ACOT7: variants seen among roughly 807,000 people sequenced by gnomAD.
ACOT7 encodes acyl-CoA thioesterase 7.
A neutral mutation model predicts 40.2 loss-of-function variants in ACOT7; 12 were observed. That is an observed-to-expected ratio of 0.30 (90% CI 0.19 to 0.48). The LOEUF (loss-of-function observed/expected upper bound fraction) is 0.48. ACOT7 is among the 20% of genes least tolerant of loss of function. ACOT7 has a pLI of 0.99. For missense variants in ACOT7, 395 were observed against 530.8 expected, an observed-to-expected ratio of 0.74 and a Z score of 2.51; for synonymous variants, 228 against 219.5, an observed-to-expected ratio of 1.04 and a Z score of -0.34.
At position 6,301,023 on chromosome 1, in the gene ACOT7, T is replaced by C. The variant is rs188457425; in HGVS notation, c.713-6043A>G. ...GCAATGCCATGTTGCCTCCCCATCC[T>C]GTCCTGTGACATCGAGTCCAGAGTG... On this transcript the variant is annotated intron_variant, in intron 6 of 8. Coordinates refer to ENST00000361521, the MANE Select transcript of ACOT7 (RefSeq NM_007274.4). This position sits in a 1 kb window ranked among gnomAD's most constrained non-coding sequence, Gnocchi z 4.1. Among the ~76,000 whole-genome samples the C allele has an allele frequency of 3.4e-3, 518 of 152,376 alleles. 3 individuals are homozygous for C. The highest frequency in any genetic ancestry group is 0.012 in the African/African-American group (500 of 41,586).
Position 6,275,806 on chromosome 1 carries a change from G to C in ACOT7, c.1014+5296C>G, listed in dbSNP as rs571348386. ...TCCAGAAAACATTTCGGTGGCTAAAGACTGAAGCTCGGAGTCCTGGGCTGG... is the reference window on the plus strand; with the variant it reads ...TCCAGAAAACATTTCGGTGGCTAAACACTGAAGCTCGGAGTCCTGGGCTGG... On this transcript the variant is annotated intron_variant, in intron 8 of 8. Transcript: ENST00000361521. This position sits in a 1 kb window ranked among gnomAD's most constrained non-coding sequence, Gnocchi z 5.6. Among the ~76,000 whole-genome samples, 3 of 150,668 alleles carry C rather than the reference G, an allele frequency of 2.0e-5. No individual in the cohort carries two copies. The highest frequency in any genetic ancestry group is 4.4e-5 in the Non-Finnish European group (3 of 67,686).
At chr1:6,332,837 A>C (rs1039499393) in intron 4 of ACOT7, among the ~76,000 whole-genome samples, 15 of 145,822 alleles carry the variant, frequency 1.0e-4, no homozygotes, top group East Asian at 6.0e-4. Flanking sequence ...ACAAAAAAAA[A>C]CAAAAAAAAC....
chr1:6,295,722 A>C (rs1039122291), intron 6 of ACOT7, among the ~76,000 whole-genome samples: 1 of 152,212 alleles, frequency 6.6e-6, no homozygotes, highest in African/African-American at 2.4e-5. Flanking sequence ...AGAAGAGGCA[A>C]GTCCATGGGG....
chr1:6,343,864 G>C lies in ACOT7; in HGVS notation c.262-4275C>G, dbSNP rs548929747. 5.2e-5 allele frequency among the ~76,000 whole-genome samples: 8 copies of C among 152,386 alleles called. 1 individual carries two copies. In the South Asian group the frequency reaches 1.7e-3, roughly 32 times the overall value. ...AGGCCTTCCACCTCCCTGCTCTGCA[G>C]CTGGTTTCTGGCAGCATCTGTGGGG... On this transcript the variant is annotated intron_variant, in intron 2 of 8. Coordinates refer to ENST00000361521, the MANE Select transcript of ACOT7 (RefSeq NM_007274.4).
intron 3 of ACOT7, among the ~76,000 whole-genome samples, chr1:6,337,781 C>G (rs1273924145): frequency 6.6e-6 from 1 of 152,064 alleles, no homozygotes; most frequent in Non-Finnish European, 1.5e-5. Context: ...TTCAGACCAC[C>G]CTGGCCATCA....
chr1:6,314,950 C>T (rs867407792), intron 6 of ACOT7, among the ~76,000 whole-genome samples: 3 of 152,100 alleles, frequency 2.0e-5, no homozygotes, highest in Non-Finnish European at 4.4e-5. Flanking sequence ...TCCTCCCGCA[C>T]GGGACAATGA....
chr1:6,381,730 C>A (rs1642339158), intron 1 of ACOT7, among the ~76,000 whole-genome samples: 1 of 151,930 alleles, frequency 6.6e-6, no homozygotes, highest in African/African-American at 2.4e-5. Context: ...GTGTTCATAG[C>A]AGCATTATTC....
At chr1:6,266,964 G>C (rs559040772) in intron 8 of ACOT7, among the ~76,000 whole-genome samples, 3 of 152,222 alleles carry the variant, frequency 2.0e-5, no homozygotes, top group Non-Finnish European at 4.4e-5. Context: ...AGCTGGGGAC[G>C]GGCAGGCTGG....
Position 6,355,020 on chromosome 1 carries a change from C to T in ACOT7, c.144-5154G>A, listed in dbSNP as rs1437308963. ...CAATCTCCTAGTAAGGCATCTGGAG[C>T]TCTCAGGGATTGGGAACTTTTCCGC... is the stretch of plus-strand genomic sequence containing the variant. On this transcript the variant is annotated intron_variant, in intron 1 of 8. Coordinates refer to ENST00000361521, the MANE Select transcript of ACOT7 (RefSeq NM_007274.4). The surrounding 1 kb of genome is among the most constrained non-coding windows in gnomAD (Gnocchi z 5.0). Among the ~76,000 whole-genome samples the T allele has an allele frequency of 6.6e-6, 1 of 152,074 alleles. No homozygotes were observed. Among genetic ancestry groups the T allele is most frequent in the Non-Finnish European group, 1.5e-5 (1 of 68,006 alleles).
chr1:6,388,878 A>C (rs1158390681), intron 1 of ACOT7, among the ~76,000 whole-genome samples: 3 of 151,284 alleles, frequency 2.0e-5, no homozygotes, highest in Non-Finnish European at 4.4e-5. Flanking sequence ...CTCTAATAAA[A>C]ATACAAAAAA....
At chr1:6,300,441 A>G (rs768977761) in intron 6 of ACOT7, among the ~76,000 whole-genome samples, 3 of 151,618 alleles carry the variant, frequency 2.0e-5, no homozygotes, top group Non-Finnish European at 4.4e-5. Context: ...GCCTGAGTCC[A>G]TGACTCACAG....
chr1:6,374,024 C>T (rs1056300175), intron 1 of ACOT7, among the ~76,000 whole-genome samples: 2 of 152,236 alleles, frequency 1.3e-5, no homozygotes, highest in African/African-American at 4.8e-5. Flanking sequence ...TCACCTCCCA[C>T]CTCTGCCTTT....
chr1:6,310,825 C>G (rs924530154), intron 6 of ACOT7, among the ~76,000 whole-genome samples: 23 of 152,280 alleles, frequency 1.5e-4, no homozygotes, highest in African/African-American at 5.5e-4. Context: ...GTAACCTCCA[C>G]CTCCCAGGTT....
chr1:6,310,284 G>C (rs149671070), intron 6 of ACOT7, among the ~76,000 whole-genome samples: 21 of 152,332 alleles, frequency 1.4e-4, no homozygotes, highest in Non-Finnish European at 2.8e-4. Flanking sequence ...CACACTCAGG[G>C]GCAGGTGAAA....
intron 1 of ACOT7, among the ~76,000 whole-genome samples, chr1:6,369,369 T>C (rs1005439459): frequency 4.6e-5 from 7 of 151,246 alleles, no homozygotes; most frequent in Admixed American, 3.3e-4. Context: ...AGAACCACTA[T>C]GGCAGCCAGA....
chr1:6,271,479 G>A (rs775755677), intron 8 of ACOT7, among the ~76,000 whole-genome samples: 8 of 152,174 alleles, frequency 5.3e-5, no homozygotes, highest in Non-Finnish European at 7.3e-5. Flanking sequence ...CAGCACGGCC[G>A]GGCGAGGGGC....
At chr1:6,325,260 T>C (rs1264236979) in intron 5 of ACOT7, among the ~76,000 whole-genome samples, 4 of 152,068 alleles carry the variant, frequency 2.6e-5, no homozygotes, top group Non-Finnish European at 4.4e-5. Flanking sequence ...AAGTGGGGCA[T>C]GGTGGCGGGC....
In ACOT7 at chr1:6,358,726, G is replaced by A. The variant is rs957801070; in HGVS notation, c.144-8860C>T. The A allele has an allele frequency of 2.4e-6, 3 of 1,257,650 alleles. No individual in the cohort carries two copies. The highest frequency in any genetic ancestry group is 1.9e-4 in the Middle Eastern group (1 of 5,306). 77.9% of individuals were successfully genotyped at this position (1,257,650 alleles called of 1,614,324 possible). A position where few individuals can be genotyped will look rare whatever the true frequency, so the allele number is the denominator to read the frequency against. On this transcript the variant is annotated intron_variant, in intron 1 of 8. Coordinates refer to ENST00000361521, the MANE Select transcript of ACOT7 (RefSeq NM_007274.4). The surrounding 1 kb of genome is among the most constrained non-coding windows in gnomAD (Gnocchi z 4.1). ...CACCAGCCAGCCTGCTGGGCACAGGGGCCGAGTCCCCTCTACCCACCCTTC... is the reference window on the plus strand; with the variant it reads ...CACCAGCCAGCCTGCTGGGCACAGGAGCCGAGTCCCCTCTACCCACCCTTC...
chr1:6,356,282 C>T (rs986419290), intron 1 of ACOT7, among the ~76,000 whole-genome samples: 1 of 152,138 alleles, frequency 6.6e-6, no homozygotes, highest in Admixed American at 6.6e-5. Flanking sequence ...AAACTGCTTC[C>T]GGTTGTCACC....
Sources: allele counts gnomAD v4.1 joint callset (sites outside exome capture counted in the v4.1 genomes callset), GRCh38; gene constraint gnomAD v4.1.1; non-coding constraint Gnocchi (gnomAD v3.1); transcripts MANE v1.5; gene names NCBI Gene and HGNC (gene_info 2026-07-23, HGNC 2026-07-21).